Variants in ICE1 observed in about 807,000 individuals in gnomAD.
The protein encoded by ICE1 is interactor of little elongation complex ELL subunit 1.
In ICE1, 64 loss-of-function variants were observed where a neutral mutation model predicts 192.7. The observed-to-expected ratio is 0.33, with a 90% CI of 0.27 to 0.41. The LOEUF is 0.41. Ranked by LOEUF, ICE1 falls within the 10% of genes least tolerant of loss-of-function variation. The probability of loss-of-function intolerance (pLI) is 1.00; values close to 1 mark genes in which losing one functional copy is unlikely to be tolerated. For missense variants in ICE1, 2,708 were observed against 2,696.0 expected (o/e 1.00, Z -0.10); for synonymous variants, 1,010 against 984.5 (o/e 1.03, Z -0.49).
chr5:5,472,535 G>C (rs148877731), intron 15 of ICE1, among the ~76,000 whole-genome samples: 31 of 152,330 alleles, frequency 2.0e-4, no homozygotes, highest in African/African-American at 7.5e-4. Context: ...AGGTTGCGAA[G>C]TCACTGATTT....
chr5:5,484,643 T>C (rs146617488), intron 17 of ICE1, among the ~76,000 whole-genome samples: 87 of 152,344 alleles, frequency 5.7e-4, no homozygotes, highest in Middle Eastern at 6.8e-3. Flanking sequence ...TCAGTAATTA[T>C]GTACTGAGCA....
At chr5:5,465,554 A>G (rs775389795) in intron 13 of ICE1, among the ~76,000 whole-genome samples, 3 of 152,376 alleles carry the variant, frequency 2.0e-5, no homozygotes, top group Non-Finnish European at 2.9e-5. Context: ...AAATTATCAC[A>G]TAATTTTTCT....
chr5:5,461,637 T>C lies in ICE1; in HGVS notation c.2303T>C (p.Phe768Ser). 6 of 1,613,704 alleles carry C rather than the reference T, an allele frequency of 3.7e-6. No homozygotes were observed. The highest frequency in any genetic ancestry group is 5.1e-6 in the Non-Finnish European group (6 of 1,179,790). Residue 768 changes from phenylalanine to serine, a missense_variant, in exon 13 of 19, where the codon TTC becomes TCC. Phe to Ser is a radical substitution (Grantham distance 155, BLOSUM62 -2). Transcript: ENST00000296564. ...RIELTLNKPD[F>S]TSLIGSQAAL... ...GAGCTCACACTAAATAAGCCAGATTTCACATCATTAATAGGTTCTCAGGCT... is the reference window on the plus strand; with the variant it reads ...GAGCTCACACTAAATAAGCCAGATTCCACATCATTAATAGGTTCTCAGGCT...
intron 1 of ICE1, among the ~76,000 whole-genome samples, chr5:5,433,662 C>A (rs1737789007): frequency 1.3e-5 from 2 of 152,132 alleles, no homozygotes; most frequent in African/African-American, 4.8e-5. Flanking sequence ...TCCAGTATGA[C>A]CTCATCTTAA....
In ICE1 at chr5:5,489,198, G is replaced by A; in HGVS notation, c.6669G>A (p.Leu2223=). The A allele has an allele frequency of 1.2e-6, 2 of 1,613,894 alleles. No individual in the cohort carries two copies. Among genetic ancestry groups the A allele is most frequent in the Non-Finnish European group, 8.5e-7 (1 of 1,179,876 alleles). The part of the protein sequence containing the change: ...QLAAVYALCD[L]SPSNPAEISK... ...CAGCCGTGTATGCTCTTTGTGACTT[G>A]AGTCCCAGCAATCCAGCAGAAATTT... Residue 2223 remains leucine, a synonymous_variant, in exon 19 of 19, where the codon TTG becomes TTA. Coordinates refer to ENST00000296564, the MANE Select transcript of ICE1 (RefSeq NM_015325.3).
chr5:5,448,659 A>AT (rs976354313), intron 10 of ICE1, among the ~76,000 whole-genome samples: 1 of 138,136 alleles, frequency 7.2e-6, no homozygotes, highest in Non-Finnish European at 1.5e-5. Context: ...CTAATGTGTT[A>AT]TTTTTTTCTC....
intron 11 of ICE1, among the ~76,000 whole-genome samples, chr5:5,456,139 G>A (rs1738574342): frequency 6.6e-6 from 1 of 152,148 alleles, no homozygotes; most frequent in South Asian, 2.1e-4. Flanking sequence ...GTTGTTCTAG[G>A]GATAGGTGAT....
chr5:5,461,990 A>C lies in ICE1; in HGVS notation c.2656A>C (p.Thr886Pro), dbSNP rs754235856. 6.2e-7 allele frequency: 1 copy of C among 1,613,984 alleles called. No homozygotes were observed. The highest frequency in any genetic ancestry group is 1.7e-5 in the Admixed American group (1 of 60,032). ...CTTGAGGCCACATAGGGTTGAGCCT[A>C]CCTTAGTAACAGAAAATAGTGGCAA... is the stretch of plus-strand genomic sequence containing the variant. ...EHLRPHRVEPTLVTENSGNKT... is the reference protein window; with the variant it reads ...EHLRPHRVEPPLVTENSGNKT... Residue 886 changes from threonine to proline, a missense_variant, in exon 13 of 19, where the codon ACC becomes CCC. Physicochemically the swap from Thr to Pro is conservative, Grantham distance 38. Coordinates refer to ENST00000296564, the MANE Select transcript of ICE1 (RefSeq NM_015325.3).
intron 7 of ICE1, among the ~76,000 whole-genome samples, chr5:5,445,023 G>A (rs1738170086): frequency 6.6e-6 from 1 of 152,182 alleles, no homozygotes; most frequent in Non-Finnish European, 1.5e-5. Context: ...GATCCATCCT[G>A]CACACGATCT....
intron 10 of ICE1, among the ~76,000 whole-genome samples, chr5:5,448,178 A>AT (rs796217729): frequency 3.4e-4 from 51 of 152,238 alleles, no homozygotes; most frequent in African/African-American, 1.1e-3. Context: ...ATGAATACAG[A>AT]TTTTTTTCTC....
At chr5:5,451,680 A>G (rs1711758625) in intron 10 of ICE1, among the ~76,000 whole-genome samples, 1 of 152,194 alleles carries the variant, frequency 6.6e-6, no homozygotes, top group South Asian at 2.1e-4. Flanking sequence ...GAAATTTTTA[A>G]CAATAGTTAA....
In ICE1 at chr5:5,489,326, G is replaced by C. The variant is rs780645419; in HGVS notation, c.6797G>C (p.Gly2266Ala). ...EVSALSTEELG is the reference protein window; with the variant it reads ...EVSALSTEELA ...AGTGCCCTGAGCACAGAGGAGCTTG[G>C]CTGACCTGGGATGCCACTGAGGCTT... Residue 2266 changes from glycine (G) to alanine (A), a missense_variant, in exon 19 of 19, where the codon GGC becomes GCC. Coordinates refer to ENST00000296564, the MANE Select transcript of ICE1 (RefSeq NM_015325.3). The C allele has an allele frequency of 6.9e-6, 11 of 1,605,312 alleles. No individual in the cohort carries two copies. The highest frequency in any genetic ancestry group is 1.3e-5 in the African/African-American group (1 of 74,398).
intron 10 of ICE1, among the ~76,000 whole-genome samples, chr5:5,452,408 G>A (rs1463094143): frequency 6.6e-6 from 1 of 151,908 alleles, no homozygotes; most frequent in East Asian, 1.9e-4. Flanking sequence ...AAAAGGAATG[G>A]AATAAGAACA....
Position 5,465,081 on chromosome 5 carries a change from C to T in ICE1, c.5747C>T (p.Ala1916Val). The stretch of plus-strand genomic sequence containing the variant: ...GTGGAGTCCCATGATAAAGCCATAG[C>T]TAATGCCCTGAAGAAAATTGCAGAG... ...ETVESHDKAIANALKKIAEFS... is the reference protein window; with the variant it reads ...ETVESHDKAIVNALKKIAEFS... Residue 1916 changes from alanine (A) to valine (V), a missense_variant, in exon 13 of 19, where the codon GCT becomes GTT. By Grantham distance (64) the Ala-to-Val change is moderately conservative. Coordinates refer to ENST00000296564, the MANE Select transcript of ICE1 (RefSeq NM_015325.3). 6.2e-7 allele frequency: 1 copy of T among 1,613,832 alleles called. No homozygotes were observed. The highest frequency in any genetic ancestry group is 1.1e-5 in the South Asian group (1 of 91,026).
Position 5,461,095 on chromosome 5 carries a change from A to G in ICE1, c.1761A>G (p.Arg587=), listed in dbSNP as rs1443695821. Residue 587 remains arginine, a synonymous_variant, in exon 13 of 19, where the codon AGA becomes AGG. Coordinates refer to ENST00000296564, the MANE Select transcript of ICE1 (RefSeq NM_015325.3). The part of the protein sequence containing the change: ...DRITVSGHFH[R]LSRELEKEKE... ...TCACAGTTTCTGGCCATTTTCACAG[A>G]CTATCTAGAGAATTGGAAAAGGAAA... is the stretch of plus-strand genomic sequence containing the variant. 1 of 1,614,074 alleles carries G rather than the reference A, an allele frequency of 6.2e-7. No individual in the cohort carries two copies. Among genetic ancestry groups the G allele is most frequent in the Admixed American group, 1.7e-5 (1 of 60,030 alleles).
In ICE1 at chr5:5,489,164, T is replaced by C. The variant is rs1166265370; in HGVS notation, c.6635T>C (p.Ile2212Thr). ...HAHDEDIPWG[I>T]QLAAVYALCD... Reference sequence around the variant, plus strand: ...TTCTTTTCAGATATACCATGGGGTATACAGTTAGCAGCCGTGTATGCTCTT... The same window carrying C: ...TTCTTTTCAGATATACCATGGGGTACACAGTTAGCAGCCGTGTATGCTCTT... Residue 2212 changes from isoleucine (I) to threonine (T), a missense_variant, in exon 19 of 19, where the codon ATA becomes ACA. Around this residue, in one of 2 missense-constraint regions of ICE1, gnomAD observed 342 missense variants for 419.3 expected, o/e 0.82. Coordinates refer to ENST00000296564, the MANE Select transcript of ICE1 (RefSeq NM_015325.3). 2.5e-6 allele frequency: 4 copies of C among 1,613,850 alleles called. No individual in the cohort carries two copies. The highest frequency in any genetic ancestry group is 2.2e-5 in the East Asian group (1 of 44,904).
chr5:5,469,996 G>C (rs1739108727), intron 15 of ICE1, among the ~76,000 whole-genome samples: 1 of 152,106 alleles, frequency 6.6e-6, no homozygotes. Flanking sequence ...AAGGTTACCT[G>C]CCTCCAGAGA....
At chr5:5,467,630 T>C (rs1030899552) in intron 14 of ICE1, among the ~76,000 whole-genome samples, 1 of 152,234 alleles carries the variant, frequency 6.6e-6, no homozygotes, top group African/African-American at 2.4e-5. Flanking sequence ...GCTTGTATAC[T>C]CTGTAAGGAG....
chr5:5,456,015 T>C (rs1738571702), intron 11 of ICE1, among the ~76,000 whole-genome samples: 1 of 152,196 alleles, frequency 6.6e-6, no homozygotes, highest in Non-Finnish European at 1.5e-5. Flanking sequence ...TTTTGTAGAA[T>C]AATTTTGTAG....
Sources: gnomAD v4.1 joint callset for allele counts (sites outside exome capture counted in the v4.1 genomes callset) on GRCh38, gnomAD v4.1.1 for gene constraint, gnomAD v4.1.1 regional missense constraint, MANE v1.5 for transcripts, NCBI Gene and HGNC (gene_info 2026-07-23, HGNC 2026-07-21) for gene names.